The following TBCD variants were observed in gnomAD, a reference collection of about 807,000 sequenced individuals.
TBCD encodes tubulin folding cofactor D.
Under a neutral mutation model 169.3 loss-of-function variants are expected in TBCD, and 105 were observed. That is an observed-to-expected ratio of 0.62 (90% CI 0.53 to 0.73). TBCD has a LOEUF of 0.73. TBCD is among the 30% of genes least tolerant of loss of function. TBCD has a pLI of 0.00. For missense variants in TBCD, 1,444 were observed against 1,600.1 expected, an observed-to-expected ratio of 0.90 and a Z score of 1.66; for synonymous variants, 700 against 643.9, an observed-to-expected ratio of 1.09 and a Z score of -1.32.
intron 7 of TBCD, among the ~76,000 whole-genome samples, chr17:82,794,408 C>T (rs2049960886): frequency 6.6e-6 from 1 of 152,242 alleles, no homozygotes; most frequent in Admixed American, 6.5e-5. Flanking sequence ...GACCTGCAGT[C>T]ATTCCTCATT....
At chr17:82,939,190 G>A (rs768487568) in intron 36 of TBCD, 177 bp from the exon 37 acceptor site, 106 of 635,086 alleles carry the variant, frequency 1.7e-4, no homozygotes, top group Non-Finnish European at 2.3e-5. Flanking sequence ...GTGGTTAATG[G>A]GCCTGGAAGG....
intron 13 of TBCD, among the ~76,000 whole-genome samples, chr17:82,815,275 T>C (rs1272668572): frequency 6.6e-6 from 1 of 152,202 alleles, no homozygotes; most frequent in Non-Finnish European, 1.5e-5. Flanking sequence ...ATCCTTGTAA[T>C]GTCTGATTTT....
At position 82,766,375 on chromosome 17, in the gene TBCD, GTC is replaced by G. The variant is rs2048014899; in HGVS notation, c.435+11_435+12del. The G allele has an allele frequency of 1.9e-6, 3 of 1,605,426 alleles. No individual in the cohort carries two copies. On this transcript the variant is annotated splice_region_variant and intron_variant, in intron 4 of 38. Coordinates refer to ENST00000355528, the MANE Select transcript of TBCD (RefSeq NM_005993.5). ...GAATCCCAAGGACCATGAAGTGAGT[GTC>G]TCTGCCTCCCCCCTCGTCTCCAGCC...
At chr17:82,801,891 A>G (rs1598586322) in intron 9 of TBCD, among the ~76,000 whole-genome samples, 1 of 112,088 alleles carries the variant, frequency 8.9e-6, no homozygotes, top group Non-Finnish European at 1.8e-5. Context: ...TGTGGTTCGG[A>G]GTCAGCGTGG....
chr17:82,872,911 C>T (rs1013990648), intron 14 of TBCD, among the ~76,000 whole-genome samples: 2 of 118,420 alleles, frequency 1.7e-5, no homozygotes, highest in African/African-American at 3.4e-5. Context: ...GAGCCAGGCC[C>T]GGCACCTCGT....
intron 5 of TBCD, among the ~76,000 whole-genome samples, chr17:82,771,705 C>T (rs9892459): frequency 0.27 from 41,257 of 152,098 alleles, 5,852 homozygotes; most frequent in East Asian, 0.44. Context: ...AGGCGTGAGC[C>T]GCAGTGCCCA....
chr17:82,781,823 A>G, intron 7 of TBCD, 102 bp downstream of exon 7: 1 of 1,527,448 alleles, frequency 6.5e-7, no homozygotes, highest in Non-Finnish European at 8.8e-7. Context: ...ACGTAATTGG[A>G]ACCCCGTGGG....
intron 13 of TBCD, among the ~76,000 whole-genome samples, chr17:82,861,911 G>T (rs959581856): frequency 6.6e-6 from 1 of 151,272 alleles, no homozygotes; most frequent in Non-Finnish European, 1.5e-5. Flanking sequence ...AAACCTGAAG[G>T]TCTTTTTTTT....
At chr17:82,935,025 C>G (rs2062501931) in intron 34 of TBCD, among the ~76,000 whole-genome samples, 1 of 152,036 alleles carries the variant, frequency 6.6e-6, no homozygotes. Context: ...GATTGAGCCA[C>G]TGTGCTCCAG....
intron 13 of TBCD, among the ~76,000 whole-genome samples, chr17:82,822,139 C>G (rs1273573344): frequency 6.6e-6 from 1 of 152,324 alleles, no homozygotes; most frequent in Non-Finnish European, 1.5e-5. Context: ...ATGTTTTTCT[C>G]TCTGGATGAC....
chr17:82,891,853 G>A (rs561858896), intron 16 of TBCD, among the ~76,000 whole-genome samples: 1 of 152,130 alleles, frequency 6.6e-6, no homozygotes, highest in South Asian at 2.1e-4. Context: ...AGTGGTCTCT[G>A]CCTTCTCCCT....
At chr17:82,902,838 G>A (rs1449014163) in intron 18 of TBCD, among the ~76,000 whole-genome samples, 3 of 152,170 alleles carry the variant, frequency 2.0e-5, no homozygotes, top group Non-Finnish European at 4.4e-5. Context: ...TGAGCTCTGC[G>A]GGTCGCTCCC....
intron 7 of TBCD, among the ~76,000 whole-genome samples, chr17:82,794,254 CA>C (rs138958628): frequency 0.018 from 2,808 of 152,258 alleles, 85 homozygotes; most frequent in East Asian, 0.12. Flanking sequence ...GAACATGCCC[CA>C]GGGGGGGGAA....
At chr17:82,827,323 C>T (rs2052944656) in intron 13 of TBCD, among the ~76,000 whole-genome samples, 2 of 152,220 alleles carry the variant, frequency 1.3e-5, no homozygotes, top group African/African-American at 2.4e-5. Context: ...TCGTAGTGTC[C>T]ACTGCATGGT....
chr17:82,790,930 A>T (rs1457680853), intron 7 of TBCD, among the ~76,000 whole-genome samples: 1 of 151,678 alleles, frequency 6.6e-6, no homozygotes, highest in East Asian at 1.9e-4. Flanking sequence ...ATGCCCCTTC[A>T]GGTCCCTGCA....
intron 34 of TBCD, 70 bp downstream of exon 34, chr17:82,932,805 A>G: frequency 1.4e-6 from 2 of 1,480,588 alleles, no homozygotes; most frequent in East Asian, 2.3e-5. Flanking sequence ...AGAAAAAGTC[A>G]TCAGACACAG....
At chr17:82,756,079 A>C (rs1036173830) in intron 1 of TBCD, 86 bp from the exon 2 acceptor site, 60 of 1,167,462 alleles carry the variant, frequency 5.1e-5, no homozygotes, top group African/African-American at 6.1e-5. Flanking sequence ...GCCCTGTGGA[A>C]GCTAGCAAGG....
At position 82,831,325 on chromosome 17, in the gene TBCD, A is replaced by C. The variant is rs567045344; in HGVS notation, c.1318+16391A>C. On this transcript the variant is annotated intron_variant, in intron 13 of 38. Coordinates refer to ENST00000355528, the MANE Select transcript of TBCD (RefSeq NM_005993.5). This position sits in a 1 kb window ranked among gnomAD's most constrained non-coding sequence, Gnocchi z 4.6. ...TTTAGCCTCAGGAATTGGACTTTCG[A>C]ACTCGACGTGTTTTCTGTTGGGGTC... 6.2e-7 allele frequency: 1 copy of C among 1,613,880 alleles called. No individual in the cohort carries two copies. The highest frequency in any genetic ancestry group is 1.3e-5 in the African/African-American group (1 of 74,986).
At chr17:82,848,240 G>A (rs138158679) in intron 13 of TBCD, among the ~76,000 whole-genome samples, 84 of 152,326 alleles carry the variant, frequency 5.5e-4, no homozygotes, top group African/African-American at 1.8e-3. Context: ...TGCAGGCACC[G>A]TCAGAGTCAG....
Sources: gnomAD v4.1 joint callset for allele counts (sites outside exome capture counted in the v4.1 genomes callset) on GRCh38, gnomAD v4.1.1 for gene constraint, Gnocchi (gnomAD v3.1) non-coding constraint, MANE v1.5 for transcripts, NCBI Gene and HGNC (gene_info 2026-07-23, HGNC 2026-07-21) for gene names.